SENP7: variants seen among roughly 807,000 people sequenced by gnomAD.
The protein encoded by SENP7 is sentrin-specific protease 7.
In SENP7, 64 loss-of-function variants were observed where a neutral mutation model predicts 141.2. That is an observed-to-expected ratio of 0.45 (90% CI 0.37 to 0.56). The LOEUF is 0.56. SENP7 is among the 20% of genes least tolerant of loss of function. SENP7 has a pLI of 0.00. For missense variants in SENP7, 1,025 were observed against 1,212.2 expected (o/e 0.85, Z 2.29); for synonymous variants, 382 against 426.4 (o/e 0.90, Z 1.28).
intron 11 of SENP7, chr3:101,358,099 G>T: frequency 7.1e-6 from 4 of 564,644 alleles, no homozygotes; most frequent in South Asian, 1.8e-5. Flanking sequence ...CAAATGTGAA[G>T]AATGTGGCAA....
At chr3:101,360,655 A>G (rs941164123) in intron 11 of SENP7, among the ~76,000 whole-genome samples, 2 of 152,238 alleles carry the variant, frequency 1.3e-5, no homozygotes, top group African/African-American at 4.8e-5. Context: ...GGAAGCTATA[A>G]AAGGAACTAA....
chr3:101,473,766 T>G (rs764902318), intron 3 of SENP7, among the ~76,000 whole-genome samples: 15 of 152,232 alleles, frequency 9.9e-5, no homozygotes, highest in Non-Finnish European at 1.9e-4. Context: ...ATTTTTGCTT[T>G]TGTCCCAATT....
intron 9 of SENP7, 68 bp downstream of exon 9, chr3:101,366,362 G>T: frequency 8.2e-7 from 1 of 1,224,560 alleles, no homozygotes; most frequent in Non-Finnish European, 1.1e-6. Context: ...ATTTGTTCAA[G>T]AAGAATAAAA....
chr3:101,437,316 A>G (rs184164607), intron 4 of SENP7, among the ~76,000 whole-genome samples: 36 of 152,342 alleles, frequency 2.4e-4, no homozygotes, highest in Admixed American at 1.8e-3. Context: ...AGTACAATAG[A>G]GTAATATAGT....
At chr3:101,393,403 C>T (rs2060871861) in intron 6 of SENP7, among the ~76,000 whole-genome samples, 1 of 152,104 alleles carries the variant, frequency 6.6e-6, no homozygotes, top group South Asian at 2.1e-4. Context: ...GGAGAGACAA[C>T]CTATAGATTG....
intron 4 of SENP7, among the ~76,000 whole-genome samples, chr3:101,431,369 G>A (rs1160840811): frequency 6.6e-6 from 1 of 151,960 alleles, no homozygotes; most frequent in Non-Finnish European, 1.5e-5. Flanking sequence ...TGGTCCTGTA[G>A]TAGGTGCATA....
At position 101,398,884 on chromosome 3, in the gene SENP7, G is replaced by T; in HGVS notation, c.654C>A (p.His218Gln). The T allele has an allele frequency of 6.2e-7, 1 of 1,605,848 alleles. No individual in the cohort carries two copies. ...ACCTTTCAGATAAATAACAGCTCTT[G>T]TGAGGGTTTAGATTTTGATAAGATT... ...SLESYQNLNP[H>Q]KSCYLSERGS... Residue 218 changes from histidine to glutamine, a missense_variant, in exon 6 of 24, where the codon CAC becomes CAA. His to Gln is a conservative substitution (Grantham distance 24). Transcript: ENST00000394095.
chr3:101,400,733 T>TA (rs60544639), intron 5 of SENP7, among the ~76,000 whole-genome samples: 102,532 of 150,822 alleles, frequency 0.68, 35,332 homozygotes, highest in African/African-American at 0.78. Context: ...TTATGCCAAT[T>TA]CCAGCACTAC....
intron 6 of SENP7, among the ~76,000 whole-genome samples, chr3:101,384,735 C>T (rs1007156520): frequency 1.3e-5 from 2 of 152,216 alleles, no homozygotes; most frequent in Non-Finnish European, 2.9e-5. Context: ...GCCTGCCAGG[C>T]CAAGTGGGCA....
intron 3 of SENP7, among the ~76,000 whole-genome samples, chr3:101,468,109 T>C (rs1218558499): frequency 6.6e-6 from 1 of 152,156 alleles, no homozygotes; most frequent in East Asian, 1.9e-4. Context: ...AGGGTATCAG[T>C]GATTGAAGAT....
At chr3:101,377,545 G>A (rs765955754) in intron 6 of SENP7, among the ~76,000 whole-genome samples, 3 of 152,160 alleles carry the variant, frequency 2.0e-5, no homozygotes, top group Admixed American at 2.0e-4. Flanking sequence ...GGTTCTCACA[G>A]TGAATATCAG....
intron 5 of SENP7, among the ~76,000 whole-genome samples, chr3:101,410,229 A>G (rs1183143108): frequency 6.6e-6 from 1 of 152,230 alleles, no homozygotes; most frequent in Admixed American, 6.5e-5. Context: ...TCAAAACCAC[A>G]GTGCGGTACC....
At chr3:101,338,756 G>A (rs974869227) in intron 16 of SENP7, among the ~76,000 whole-genome samples, 2 of 152,168 alleles carry the variant, frequency 1.3e-5, no homozygotes, top group African/African-American at 4.8e-5. Context: ...AATGGTGCCT[G>A]TTCCTATCAG....
intron 7 of SENP7, among the ~76,000 whole-genome samples, chr3:101,371,417 T>C (rs1445004747): frequency 3.9e-5 from 6 of 152,238 alleles, no homozygotes. Context: ...GTTTCACAAA[T>C]AAATAATGTA....
chr3:101,343,432 T>C (rs2059379330), intron 14 of SENP7, among the ~76,000 whole-genome samples: 2 of 152,188 alleles, frequency 1.3e-5, no homozygotes, highest in Admixed American at 1.3e-4. Flanking sequence ...CCATGTATTA[T>C]TTATTCATTC....
At chr3:101,384,659 G>A (rs1379504504) in intron 6 of SENP7, among the ~76,000 whole-genome samples, 1 of 152,148 alleles carries the variant, frequency 6.6e-6, no homozygotes, top group Non-Finnish European at 1.5e-5. Context: ...CACACCCCTC[G>A]CCACTCTGCA....
chr3:101,339,579 G>A (rs1209323209), intron 16 of SENP7, among the ~76,000 whole-genome samples: 1 of 152,014 alleles, frequency 6.6e-6, no homozygotes, highest in East Asian at 1.9e-4. Flanking sequence ...TTAGCCGGGC[G>A]TGGTGGCGGG....
Position 101,475,592 on chromosome 3 carries a change from C to T in SENP7, c.187-16540G>A, listed in dbSNP as rs1379025123. The stretch of plus-strand genomic sequence containing the variant: ...CATCAGGAAGAACAGCTAATGGATG[C>T]TGGTCTTAATACCTAGGTGAAGGGT... On this transcript the variant is annotated intron_variant, in intron 3 of 23. Coordinates refer to ENST00000394095, the MANE Select transcript of SENP7 (RefSeq NM_020654.5). 4.6e-5 allele frequency among the ~76,000 whole-genome samples: 7 copies of T among 152,066 alleles called. 1 individual carries two copies. The highest frequency in any genetic ancestry group is 1.0e-4 in the Non-Finnish European group (7 of 67,998).
intron 3 of SENP7, among the ~76,000 whole-genome samples, chr3:101,473,173 T>C (rs1040506710): frequency 3.9e-5 from 6 of 152,254 alleles, no homozygotes; most frequent in South Asian, 2.1e-4. Context: ...TTTGCTATTA[T>C]AAATACTGCT....
Sources: allele counts gnomAD v4.1 joint callset (sites outside exome capture counted in the v4.1 genomes callset), GRCh38; gene constraint gnomAD v4.1.1; transcripts MANE v1.5; gene names NCBI Gene and HGNC (gene_info 2026-07-23, HGNC 2026-07-21).